ZNF333: variants seen among roughly 807,000 people sequenced by gnomAD.
ZNF333 encodes zinc finger protein 333.
ZNF333 carries 61 observed loss-of-function variants against 76.1 expected under a neutral mutation model. The observed-to-expected ratio is 0.80, with a 90% CI of 0.65 to 0.99. ZNF333 has a LOEUF of 0.99. Ranked by LOEUF, ZNF333 falls within the 50% of genes least tolerant of loss-of-function variation. The pLI, the probability that ZNF333 is intolerant of heterozygous loss-of-function variation, is 0.00. For synonymous variants in ZNF333, 284 were observed against 305.0 expected, an observed-to-expected ratio of 0.93 and a Z score of 0.72; for missense variants, 717 against 822.4, an observed-to-expected ratio of 0.87 and a Z score of 1.57.
chr19:14,710,662 C>T (rs1220576464), intron 7 of ZNF333, among the ~76,000 whole-genome samples: 1 of 152,184 alleles, frequency 6.6e-6, no homozygotes, highest in African/African-American at 2.4e-5. Flanking sequence ...TCTGTAATCC[C>T]AGCTACTTGG....
At chr19:14,717,812 C>T in intron 11 of ZNF333, 79 bp downstream of exon 11, 4 of 1,380,836 alleles carry the variant, frequency 2.9e-6, no homozygotes, top group Non-Finnish European at 4.1e-6. Context: ...AAAAGCAGCC[C>T]AAGAGCCAAG....
rs1253220909 is a variant in ZNF333, at chr19:14,718,331, A to C, written c.1004A>C (p.Glu335Ala). The change falls in exon 12 of 12, where the codon GAG becomes GCG. Residue 335 changes from glutamate to alanine, a missense_variant. Transcript: ENST00000292530. The stretch of plus-strand genomic sequence containing the variant: ...CAGTACCAGAGAATTCATGCTGGAG[A>C]GGCATCCTGTGAATGTCAAGAGATT... ...LFQYQRIHAG[E>A]ASCECQEIRN... is the part of the protein sequence containing the mutation. 3.1e-6 allele frequency: 5 copies of C among 1,614,204 alleles called. 1 individual carries two copies. The Admixed American group carries it at 8.3e-5, about 27-fold the overall frequency.
chr19:14,717,651 T>C lies in ZNF333; in HGVS notation c.824-6T>C, dbSNP rs768615708. The C allele has an allele frequency of 6.2e-7, 1 of 1,613,592 alleles. No homozygotes were observed. ...GCTTAACTTTTTCTTCCCTAATTCA[T>C]TTCAGAACCTCAGTGTCAACCCCAA... On this transcript the variant is annotated splice_polypyrimidine_tract_variant and splice_region_variant and intron_variant, in intron 10 of 11. Transcript: ENST00000292530.
chr19:14,705,613 C>T (rs998372201), intron 6 of ZNF333, among the ~76,000 whole-genome samples: 1 of 152,150 alleles, frequency 6.6e-6, no homozygotes, highest in Non-Finnish European at 1.5e-5. Flanking sequence ...AGAGAGATGC[C>T]GTAAGGCAAG....
At chr19:14,732,781 A>G (rs1437677819) in exon 12 of ZNF333, 1 of 151,978 alleles carries the variant, frequency 6.6e-6, no homozygotes, top group Admixed American at 6.6e-5. Flanking sequence ...TCATATCACA[A>G]TGGAAGTTCA....
At position 14,719,314 on chromosome 19, in the gene ZNF333, C is replaced by G. The variant is rs2042537425; in HGVS notation, c.1987C>G (p.Leu663Val). 1 of 1,597,738 alleles carries G rather than the reference C, an allele frequency of 6.3e-7. No individual in the cohort carries two copies. The highest frequency in any genetic ancestry group is 8.5e-7 in the Non-Finnish European group (1 of 1,172,626). ...LSMSHPYCGPLAN is the reference protein window; with the variant it reads ...LSMSHPYCGPVAN ...CATGTCTCATCCATACTGTGGGCCC[C>G]TTGCTAATTAACTTCCATTTTGTAA... is the stretch of plus-strand genomic sequence containing the variant. Residue 663 changes from leucine to valine, a missense_variant, in exon 12 of 12, where the codon CTT becomes GTT. Coordinates refer to ENST00000292530, the MANE Select transcript of ZNF333 (RefSeq NM_032433.4).
chr19:14,694,905 C>A, intron 2 of ZNF333, 105 bp from the exon 3 acceptor site: 1 of 1,534,396 alleles, frequency 6.5e-7, no homozygotes, highest in South Asian at 1.2e-5. Context: ...CTGGATTTTC[C>A]ATGCCTGCTG....
downstream of ZNF333, among the ~76,000 whole-genome samples, chr19:14,725,151 G>A (rs2147039211): frequency 6.6e-6 from 1 of 152,262 alleles, no homozygotes; most frequent in Middle Eastern, 3.4e-3. Context: ...ATGAGAATGG[G>A]AGCGAGCAGG....
chr19:14,716,887 A>G, intron 9 of ZNF333, 107 bp from the exon 10 acceptor site: 1 of 967,758 alleles, frequency 1.0e-6, no homozygotes, highest in Non-Finnish European at 1.5e-6. Context: ...AGGCACATGC[A>G]TTTTGCCACT....
chr19:14,722,422 A>G (rs535401598), downstream of ZNF333, among the ~76,000 whole-genome samples: 7 of 152,318 alleles, frequency 4.6e-5, no homozygotes, highest in South Asian at 1.4e-3. Context: ...TCATCTGTGG[A>G]AAAATGTCTA....
chr19:14,731,082 C>T, intron 11 of ZNF333: 2 of 1,112,310 alleles, frequency 1.8e-6, no homozygotes, highest in Admixed American at 2.0e-5. Context: ...AAGCACCGCC[C>T]CTCCTGCCCC....
At chr19:14,710,057 G>A (rs183520097) in intron 7 of ZNF333, among the ~76,000 whole-genome samples, 8 of 152,288 alleles carry the variant, frequency 5.3e-5, no homozygotes, top group Admixed American at 4.6e-4. Flanking sequence ...TTGCATCCAG[G>A]GCCCATGGAA....
intron 6 of ZNF333, among the ~76,000 whole-genome samples, chr19:14,705,545 G>C (rs2042084506): frequency 6.6e-6 from 1 of 152,222 alleles, no homozygotes; most frequent in East Asian, 1.9e-4. Context: ...GCTCAGGGAA[G>C]TGAGGACCTC....
At chr19:14,706,832 C>T in intron 7 of ZNF333, 59 bp downstream of exon 7, 2 of 1,458,416 alleles carry the variant, frequency 1.4e-6, no homozygotes, top group Non-Finnish European at 1.9e-6. Flanking sequence ...TGTGTTCTGT[C>T]CAGGAACTTG....
intron 5 of ZNF333, chr19:14,700,439 A>C (rs1973595118): frequency 6.6e-6 from 1 of 152,284 alleles, no homozygotes; most frequent in Non-Finnish European, 1.5e-5. Context: ...GAGAACTGGC[A>C]AGACAGAGGC....
chr19:14,716,091 C>T (rs370184909), intron 8 of ZNF333, 21 bp from the exon 9 acceptor site: 64 of 1,613,464 alleles, frequency 4.0e-5, no homozygotes, highest in Admixed American at 2.5e-4. Context: ...CTGGCTGAGC[C>T]GGGATGGATG....
At chr19:14,732,812 T>C (rs1240591644) in exon 12 of ZNF333, 2 of 152,258 alleles carry the variant, frequency 1.3e-5, no homozygotes, top group Admixed American at 6.5e-5. Context: ...CTGTAAAGTT[T>C]TATTAAAACA....
In ZNF333 at chr19:14,718,920, G is replaced by A; in HGVS notation, c.1593G>A (p.Glu531=). ...TGCACAAGAGGATACACACAGGGGA[G>A]AAACTGTATGAGTGCGCGACTTGCG... ...LNVHKRIHTG[E]KLYECATCGQ... Residue 531 remains glutamate, a synonymous_variant, in exon 12 of 12, where the codon GAG becomes GAA. Transcript: ENST00000292530. 6.2e-7 allele frequency: 1 copy of A among 1,614,174 alleles called. No homozygotes were observed. Among genetic ancestry groups the A allele is most frequent in the Non-Finnish European group, 8.5e-7 (1 of 1,180,018 alleles).
At position 14,712,618 on chromosome 19, in the gene ZNF333, G is replaced by C. The variant is rs144851750; in HGVS notation, c.512-2764G>C. On this transcript the variant is annotated intron_variant, in intron 7 of 11. Transcript: ENST00000292530. ...GGCCGTGCTCCCTCTGATGGCTCGGGGGGGAGGATCCTGCCACCTGCTTTC... is the reference window on the plus strand; with the variant it reads ...GGCCGTGCTCCCTCTGATGGCTCGGCGGGGAGGATCCTGCCACCTGCTTTC... Among the ~76,000 whole-genome samples the C allele has an allele frequency of 3.1e-3, 468 of 152,176 alleles. 3 individuals carry two copies. Among genetic ancestry groups the C allele is most frequent in the African/African-American group, 0.011 (448 of 41,514 alleles).
Sources: allele counts gnomAD v4.1 joint callset (sites outside exome capture counted in the v4.1 genomes callset), GRCh38; gene constraint gnomAD v4.1.1; transcripts MANE v1.5; gene names NCBI Gene and HGNC (gene_info 2026-07-23, HGNC 2026-07-21).